The following PCSK6 variants were observed in gnomAD, a reference collection of about 807,000 sequenced individuals.
The protein encoded by PCSK6 is paired basic amino acid cleaving enzyme 4.
In PCSK6, 85 loss-of-function variants were observed where a neutral mutation model predicts 123.3. The observed-to-expected ratio is 0.69, with a 90% confidence interval of 0.58 to 0.83. The LOEUF (loss-of-function observed/expected upper bound fraction) is 0.83, where lower values mean the gene tolerates loss of function less well. Ranked by LOEUF, PCSK6 falls within the 40% of genes least tolerant of loss-of-function variation. The pLI is 0.00. For synonymous variants in PCSK6, 508 were observed against 516.0 expected (o/e 0.98, Z 0.21); for missense variants, 1,191 against 1,282.3 (o/e 0.93, Z 1.09).
At position 101,313,409 on chromosome 15, in the gene PCSK6, T is replaced by C; in HGVS notation, c.2666A>G (p.Glu889Gly). ...CACTTTGTGGGGCAAGCCCGGCATC[T>C]CTTCTGGGTAGAAGCCCTCACCACA... ...PACGEGFYPE[E>G]MPGLPHKVCR... The change falls in exon 20 of 22, where the codon GAG becomes GGG. Residue 889 changes from glutamate to glycine, a missense_variant. Physicochemically the swap from Glu to Gly is moderately conservative, Grantham distance 98. Coordinates refer to ENST00000611716, the MANE Select transcript of PCSK6 (RefSeq NM_002570.5). 6.2e-7 allele frequency: 1 copy of C among 1,612,760 alleles called. No individual in the cohort carries two copies. Among genetic ancestry groups the C allele is most frequent in the South Asian group, 1.1e-5 (1 of 91,080 alleles).
In PCSK6 at chr15:101,304,772, A is replaced by G. The variant is rs957540886; in HGVS notation, c.*486T>C. ...TATAGTCTGACCAAACCGTCCCCAG[A>G]CTGCTCAGTGGCAGGCAACGAGCAG... On this transcript the variant is annotated 3_prime_UTR_variant, in exon 22 of 22. Transcript: ENST00000611716. The G allele has an allele frequency of 1.9e-5, 3 of 157,628 alleles. No individual in the cohort carries two copies. Among genetic ancestry groups the G allele is most frequent in the Non-Finnish European group, 4.2e-5 (3 of 71,310 alleles). 9.8% of individuals were successfully genotyped at this position (157,628 alleles called of 1,614,324 possible). A position where few individuals can be genotyped will look rare whatever the true frequency, so the allele number is the denominator to read the frequency against.
intron 6 of PCSK6, among the ~76,000 whole-genome samples, chr15:101,424,501 A>G (rs1409490932): frequency 6.6e-6 from 1 of 152,268 alleles, no homozygotes; most frequent in East Asian, 1.9e-4. Context: ...AACAAATACC[A>G]AAAGAGGTGA....
rs36022203 is a variant in PCSK6 at position 101,322,485 on chromosome 15, G to A, written c.2465+35C>T. 51 of 1,429,554 alleles carry A rather than the reference G, an allele frequency of 3.6e-5. No individual in the cohort carries two copies. In the East Asian group the frequency reaches 5.0e-4, roughly 14 times the overall value. 88.6% of individuals were successfully genotyped at this position (1,429,554 alleles called of 1,614,324 possible). On this transcript the variant is annotated intron_variant, in intron 18 of 21. Coordinates refer to ENST00000611716, the MANE Select transcript of PCSK6 (RefSeq NM_002570.5). ...ATAACACACTCCAAGCAGCGCCACC[G>A]CCCTGACATTCCTCAGGTTTCGAGG... is the stretch of plus-strand genomic sequence containing the variant.
intron 6 of PCSK6, among the ~76,000 whole-genome samples, chr15:101,403,724 T>G (rs1419150348): frequency 6.6e-6 from 1 of 152,144 alleles, no homozygotes; most frequent in Non-Finnish European, 1.5e-5. Flanking sequence ...TTTATTTATT[T>G]ATTTATTTAT....
At chr15:101,359,233 T>G (rs1169689320) in intron 13 of PCSK6, among the ~76,000 whole-genome samples, 2 of 152,078 alleles carry the variant, frequency 1.3e-5, no homozygotes, top group Non-Finnish European at 2.9e-5. Context: ...GGAGAATGTG[T>G]CCCCGCCCCC....
chr15:101,469,104 GT>G (rs1408053626), intron 1 of PCSK6, among the ~76,000 whole-genome samples: 1 of 152,048 alleles, frequency 6.6e-6, no homozygotes, highest in Non-Finnish European at 1.5e-5. Context: ...AGAAACACGT[GT>G]TTTTTTAGGC....
At chr15:101,306,294 C>A (rs577445824) in intron 21 of PCSK6, among the ~76,000 whole-genome samples, 34 of 152,206 alleles carry the variant, frequency 2.2e-4, no homozygotes, top group African/African-American at 7.7e-4. Flanking sequence ...CAGGTGACTT[C>A]CCAAAGAAGT....
chr15:101,473,862 G>A (rs1403260601), intron 1 of PCSK6, among the ~76,000 whole-genome samples: 2 of 151,812 alleles, frequency 1.3e-5, no homozygotes, highest in African/African-American at 2.4e-5. Flanking sequence ...GTGACAGAGT[G>A]AGACTCATGT....
intron 1 of PCSK6, among the ~76,000 whole-genome samples, chr15:101,487,877 A>C (rs1381515951): frequency 6.6e-6 from 1 of 152,246 alleles, no homozygotes; most frequent in Non-Finnish European, 1.5e-5. Flanking sequence ...TGAGTGGTTA[A>C]AAAAACTAAA....
At chr15:101,312,909 G>T in intron 20 of PCSK6, 1 of 384,018 alleles carries the variant, frequency 2.6e-6, no homozygotes, top group South Asian at 6.1e-5. Flanking sequence ...GGAGGCTGAG[G>T]CATGAGAGTT....
chr15:101,313,115 G>T, intron 20 of PCSK6: 1 of 1,426,738 alleles, frequency 7.0e-7, no homozygotes, highest in Non-Finnish European at 9.3e-7. Context: ...CCACCAATGG[G>T]GTGTGAGCAC....
chr15:101,436,920 C>G (rs984101495), intron 2 of PCSK6, among the ~76,000 whole-genome samples: 1 of 152,206 alleles, frequency 6.6e-6, no homozygotes, highest in African/African-American at 2.4e-5. Flanking sequence ...GCAACGTGGC[C>G]CTTCTCTCAC....
intron 17 of PCSK6, 35 bp from the exon 18 acceptor site, chr15:101,322,642 G>C (rs764458363): frequency 3.1e-6 from 4 of 1,310,734 alleles, no homozygotes; most frequent in Non-Finnish European, 4.4e-6. Flanking sequence ...AAAGAGAAGG[G>C]ACGACACTGA....
intron 1 of PCSK6, among the ~76,000 whole-genome samples, chr15:101,462,026 A>ACAATTATT (rs576079331): frequency 6.5e-4 from 99 of 152,334 alleles, no homozygotes; most frequent in African/African-American, 2.3e-3. Context: ...AGACAAAACT[A>ACAATTATT]CAATTATTCA....
At chr15:101,367,598 GACAA>G (rs1275783658) in intron 12 of PCSK6, among the ~76,000 whole-genome samples, 1 of 152,214 alleles carries the variant, frequency 6.6e-6, no homozygotes, top group African/African-American at 2.4e-5. Flanking sequence ...ACAGAACAAG[GACAA>G]ACTGTCTTTT....
chr15:101,373,274 G>C (rs531895062), intron 11 of PCSK6, among the ~76,000 whole-genome samples: 2 of 152,132 alleles, frequency 1.3e-5, no homozygotes, highest in East Asian at 1.9e-4. Context: ...GCCTCACTTC[G>C]TTTGGTTTTC....
chr15:101,317,628 T>C (rs996847582), intron 19 of PCSK6, among the ~76,000 whole-genome samples: 1 of 152,122 alleles, frequency 6.6e-6, no homozygotes, highest in African/African-American at 2.4e-5. Flanking sequence ...GCCCTCTCAA[T>C]GTTTATGGTG....
rs181992512 is a variant in PCSK6 at position 101,384,421 on chromosome 15, G to C, written c.1315C>G (p.Gln439Glu). Residue 439 changes from glutamine to glutamate, a missense_variant, in exon 10 of 22, where the codon CAG (glutamine) becomes GAG (glutamate). By Grantham distance (29) the Gln-to-Glu change is conservative. Around this residue, in one of 3 missense-constraint regions of PCSK6, gnomAD observed 357 missense variants for 484.5 expected, o/e 0.74. Transcript: ENST00000611716. ...TGCTGGACGTCCCTCCAGGTTAACT[G>C]GCTGCTGCAATGACACAACACACCC... ...IIALALEANSQLTWRDVQHLL... is the reference protein window; with the variant it reads ...IIALALEANSELTWRDVQHLL... The C allele has an allele frequency of 6.2e-7, 1 of 1,613,224 alleles. No homozygotes were observed. The highest frequency in any genetic ancestry group is 8.5e-7 in the Non-Finnish European group (1 of 1,179,442).
rs558447808 is a variant in PCSK6, at chr15:101,398,361, C to T, written c.996+43G>A. 5.8e-6 allele frequency: 9 copies of T among 1,563,476 alleles called. No homozygotes were observed. In the South Asian group the frequency reaches 7.2e-5, roughly 12 times the overall value. On this transcript the variant is annotated intron_variant, in intron 7 of 21. Transcript: ENST00000611716. The surrounding 1 kb of genome is among the most constrained non-coding windows in gnomAD (Gnocchi z 4.6). ...ATACTTGTTAAAATGTTTACTGTCA[C>T]CCTTGTCCCAGAGCGCTCCCCTGTA...
Sources: gnomAD v4.1 joint callset for allele counts (sites outside exome capture counted in the v4.1 genomes callset) on GRCh38, gnomAD v4.1.1 for gene constraint, gnomAD v4.1.1 regional missense constraint, Gnocchi (gnomAD v3.1) non-coding constraint, MANE v1.5 for transcripts, NCBI Gene and HGNC (gene_info 2026-07-23, HGNC 2026-07-21) for gene names.